The following PCDH15 variants were observed in gnomAD, a reference collection of about 807,000 sequenced individuals.
The protein encoded by PCDH15 is protocadherin-15.
A neutral mutation model predicts 178.5 loss-of-function variants in PCDH15; 129 were observed. That is an observed-to-expected ratio of 0.72 (90% CI 0.63 to 0.84). The LOEUF (loss-of-function observed/expected upper bound fraction) is 0.84, where lower values mean the gene tolerates loss of function less well. Ranked by LOEUF, PCDH15 falls within the 40% of genes least tolerant of loss-of-function variation. The pLI is 0.00. For synonymous variants in PCDH15, 800 were observed against 732.0 expected (o/e 1.09, Z -1.50); for missense variants, 2,230 against 2,099.9 (o/e 1.06, Z -1.21).
chr10:55,067,637 A>AT (rs199554150), intron 2 of PCDH15, among the ~76,000 whole-genome samples: 103,079 of 141,954 alleles, frequency 0.73, 37,500 homozygotes, highest in East Asian at 0.91. Flanking sequence ...TGATAGTTCT[A>AT]TTTTTTTTTT....
At chr10:54,382,841 T>A (rs1313427309) in intron 3 of PCDH15, among the ~76,000 whole-genome samples, 1 of 152,154 alleles carries the variant, frequency 6.6e-6, no homozygotes, top group Non-Finnish European at 1.5e-5. Flanking sequence ...ATAATAAATG[T>A]GTGTTGTTTT....
rs191470990 is a variant in PCDH15, at chr10:55,196,561, A to G, written c.-155-29910T>C. Among the ~76,000 whole-genome samples the G allele has an allele frequency of 2.3e-4, 35 of 152,220 alleles. No individual in the cohort carries two copies. In the East Asian group the frequency reaches 5.6e-3, roughly 24 times the overall value. On this transcript the variant is annotated intron_variant, in intron 1 of 5. Coordinates refer to the PCDH15 transcript ENST00000458638. ...AATCACAGGTACAATATAAGGACAT[A>G]CAACAAACATAAGGACATAAAGCCA...
chr10:54,611,454 C>T (rs1195054896), intron 2 of PCDH15, among the ~76,000 whole-genome samples: 1 of 151,708 alleles, frequency 6.6e-6, no homozygotes, highest in Non-Finnish European at 1.5e-5. Flanking sequence ...CCACTATAAG[C>T]TTAAGTTTAT....
At chr10:54,389,541 A>T (rs997021957) in intron 3 of PCDH15, among the ~76,000 whole-genome samples, 4 of 152,192 alleles carry the variant, frequency 2.6e-5, no homozygotes, top group African/African-American at 9.7e-5. Flanking sequence ...TGACATAAGT[A>T]TCATCTTCAC....
intron 3 of PCDH15, among the ~76,000 whole-genome samples, chr10:54,502,076 CT>C (rs1030692525): frequency 2.6e-5 from 4 of 151,688 alleles, no homozygotes; most frequent in African/African-American, 9.7e-5. Context: ...TCTTTATCTT[CT>C]TTGATCAGAC....
At chr10:55,004,107 A>G (rs1050372847) in intron 2 of PCDH15, among the ~76,000 whole-genome samples, 3 of 152,176 alleles carry the variant, frequency 2.0e-5, no homozygotes, top group African/African-American at 7.2e-5. Flanking sequence ...TTTATTTTGC[A>G]GGTAGGTTTA....
intron 6 of PCDH15, among the ~76,000 whole-genome samples, chr10:54,336,155 G>T (rs566837930): frequency 8.5e-5 from 13 of 152,274 alleles, no homozygotes; most frequent in African/African-American, 3.1e-4. Flanking sequence ...AAACATTCAA[G>T]ATGTGACTTC....
chr10:55,397,772 G>C lies in PCDH15; in HGVS notation c.-156+229853C>G, dbSNP rs141938389. ...GGCTAATTTTTGTATTTCTAGTATA[G>C]ATGGGGGTTTCACCATGTTGTTCAG... On this transcript the variant is annotated intron_variant, in intron 2 of 5. Transcript: ENST00000613346. 3.3e-3 allele frequency among the ~76,000 whole-genome samples: 502 copies of C among 152,012 alleles called. 2 individuals carry two copies. The highest frequency in any genetic ancestry group is 9.8e-3 in the African/African-American group (407 of 41,464).
intron 10 of PCDH15, among the ~76,000 whole-genome samples, chr10:54,203,910 T>A (rs918483923): frequency 4.6e-5 from 7 of 152,190 alleles, no homozygotes; most frequent in African/African-American, 1.7e-4. Context: ...CAAAGAAGAT[T>A]GTTTGCTTTG....
At chr10:54,916,000 T>G (rs1004991696) in intron 2 of PCDH15, among the ~76,000 whole-genome samples, 1 of 152,108 alleles carries the variant, frequency 6.6e-6, no homozygotes, top group African/African-American at 2.4e-5. Flanking sequence ...GGCTAATTTT[T>G]GTATTTTTAG....
intron 2 of PCDH15, among the ~76,000 whole-genome samples, chr10:54,965,385 G>T (rs2131888233): frequency 6.6e-6 from 1 of 152,096 alleles, no homozygotes; most frequent in South Asian, 2.1e-4. Flanking sequence ...AGATCTGATG[G>T]TTTTATAAAG....
chr10:54,635,378 TC>T (rs1267237286), intron 2 of PCDH15, among the ~76,000 whole-genome samples: 1 of 121,698 alleles, frequency 8.2e-6, no homozygotes, highest in East Asian at 2.3e-4. Flanking sequence ...TTAATTCATC[TC>T]ATATATGTAT....
At chr10:53,839,440 A>C (rs1034359406) in intron 29 of PCDH15, among the ~76,000 whole-genome samples, 8 of 152,066 alleles carry the variant, frequency 5.3e-5, no homozygotes, top group Admixed American at 5.2e-4. Context: ...ATATATTTGT[A>C]AATGTGTATA....
chr10:53,980,400 C>T lies in PCDH15; in HGVS notation c.2868+15249G>A, dbSNP rs974364394. On this transcript the variant is annotated intron_variant, in intron 21 of 37. Transcript: ENST00000644397. The stretch of plus-strand genomic sequence containing the variant: ...TTAAAAATGTGTGGGATTCTAAAGG[C>T]CCTGTCAGCATATTTTCACGAAAAC... Among the ~76,000 whole-genome samples the T allele has an allele frequency of 9.2e-5, 14 of 151,952 alleles. 1 individual carries two copies. In the South Asian group the frequency reaches 2.1e-3, roughly 23 times the overall value.
intron 3 of PCDH15, among the ~76,000 whole-genome samples, chr10:54,855,751 C>T (rs937191244): frequency 2.6e-5 from 4 of 152,192 alleles, no homozygotes; most frequent in African/African-American, 9.6e-5. Flanking sequence ...AGGCCCAGAA[C>T]ATTAATGTGA....
chr10:54,740,260 T>C (rs1296205844), intron 1 of PCDH15, among the ~76,000 whole-genome samples: 1 of 151,876 alleles, frequency 6.6e-6, no homozygotes, highest in Non-Finnish European at 1.5e-5. Flanking sequence ...GATACACCAG[T>C]AGGTATGTGA....
At chr10:55,618,724 A>G (rs1330435474) in intron 2 of PCDH15, among the ~76,000 whole-genome samples, 2 of 152,050 alleles carry the variant, frequency 1.3e-5, no homozygotes, top group East Asian at 3.9e-4. Context: ...GTCCAGTTTT[A>G]GAGAAACTAA....
At chr10:54,236,143 T>C (rs961343295) in intron 9 of PCDH15, among the ~76,000 whole-genome samples, 1 of 152,170 alleles carries the variant, frequency 6.6e-6, no homozygotes, top group Non-Finnish European at 1.5e-5. Context: ...AAAAGATATA[T>C]AGCCTGTCTC....
intron 3 of PCDH15, among the ~76,000 whole-genome samples, chr10:54,872,429 C>G (rs1954055510): frequency 6.6e-6 from 1 of 152,156 alleles, no homozygotes. Flanking sequence ...TATATATCTA[C>G]TTAAAATAAT....
Sources: allele counts gnomAD v4.1 joint callset (sites outside exome capture counted in the v4.1 genomes callset), GRCh38; gene constraint gnomAD v4.1.1; transcripts MANE v1.5; gene names NCBI Gene and HGNC (gene_info 2026-07-23, HGNC 2026-07-21).